Variants in VTI1A observed in about 807,000 individuals in gnomAD.
VTI1A encodes the protein vesicle transport through interaction with t-SNAREs 1A, also known as vesicle transport through interaction with t-SNAREs homolog 1A.
Under a neutral mutation model 34.9 loss-of-function variants are expected in VTI1A, and 22 were observed. That is an observed-to-expected ratio of 0.63 (90% CI 0.45 to 0.90). The LOEUF (loss-of-function observed/expected upper bound fraction) is 0.90, where lower values mean the gene tolerates loss of function less well. Ranked by LOEUF, VTI1A falls within the 40% of genes least tolerant of loss-of-function variation. The probability of loss-of-function intolerance (pLI) is 0.00; values close to 1 mark genes in which losing one functional copy is unlikely to be tolerated. For synonymous variants in VTI1A, 87 were observed against 97.3 expected, an observed-to-expected ratio of 0.89 and a Z score of 0.62; for missense variants, 268 against 275.6, an observed-to-expected ratio of 0.97 and a Z score of 0.20.
Position 112,606,704 on chromosome 10 carries a change from C to T in VTI1A, c.428-61514C>T, listed in dbSNP as rs1312802662. On this transcript the variant is annotated intron_variant, in intron 5 of 7. Transcript: ENST00000393077. ...CTAGTTAATGACACTTGAACAGACA[C>T]TTACATTTGTTTTATTAGTGACTGA... 2.0e-5 allele frequency among the ~76,000 whole-genome samples: 3 copies of T among 152,164 alleles called. No homozygotes were observed. The East Asian group carries it at 5.8e-4, about 29-fold the overall frequency.
chr10:112,505,268 A>C (rs1339746310), intron 3 of VTI1A, among the ~76,000 whole-genome samples: 1 of 152,172 alleles, frequency 6.6e-6, no homozygotes, highest in African/African-American at 2.4e-5. Context: ...TTTACCTTAA[A>C]TGAGGACTTT....
intron 5 of VTI1A, among the ~76,000 whole-genome samples, chr10:112,572,752 C>G (rs575599208): frequency 1.5e-4 from 23 of 151,046 alleles, no homozygotes; most frequent in African/African-American, 5.6e-4. Context: ...GGCAGGAGAA[C>G]GGCGTGAACC....
chr10:112,505,253 A>G (rs565210557), intron 3 of VTI1A, among the ~76,000 whole-genome samples: 3 of 152,086 alleles, frequency 2.0e-5, no homozygotes, highest in Non-Finnish European at 4.4e-5. Flanking sequence ...CTTGTCTTTA[A>G]TGGTTTTACC....
chr10:112,781,191 C>T (rs1239133898), intron 7 of VTI1A, among the ~76,000 whole-genome samples: 3 of 152,038 alleles, frequency 2.0e-5, no homozygotes, highest in Non-Finnish European at 4.4e-5. Context: ...GCAGTCTACC[C>T]GCCTCGGCCT....
At chr10:112,504,533 A>G (rs559270593) in intron 3 of VTI1A, among the ~76,000 whole-genome samples, 1 of 152,072 alleles carries the variant, frequency 6.6e-6, no homozygotes, top group African/African-American at 2.4e-5. Context: ...GTCCCATTGT[A>G]TGGATGTACC....
At chr10:112,458,648 T>A (rs1379778141) in intron 1 of VTI1A, among the ~76,000 whole-genome samples, 1 of 107,828 alleles carries the variant, frequency 9.3e-6, no homozygotes, top group Non-Finnish European at 1.9e-5. Context: ...ATATATATAT[T>A]TTTATTTTTA....
chr10:112,537,311 G>GTATTTATATATATATATATATA (rs1554898568), intron 4 of VTI1A, among the ~76,000 whole-genome samples: 1 of 65,222 alleles, frequency 1.5e-5, no homozygotes, highest in Non-Finnish European at 3.6e-5. Context: ...AAGTATCTAG[G>GTATTTATATATATATATATATA]TATATATATA....
intron 5 of VTI1A, among the ~76,000 whole-genome samples, chr10:112,594,148 T>C (rs1351331644): frequency 6.6e-6 from 1 of 152,140 alleles, no homozygotes; most frequent in Non-Finnish European, 1.5e-5. Context: ...CCTGACCTTG[T>C]GATCCGCCTC....
At chr10:112,854,896 C>A in the VTI1A span, among the ~76,000 whole-genome samples, 26 of 152,290 alleles carry the variant, frequency 1.7e-4, no homozygotes, top group African/African-American at 6.0e-4. Flanking sequence ...GGAGATGGTA[C>A]CAGCTGGGGC....
intron 5 of VTI1A, among the ~76,000 whole-genome samples, chr10:112,594,828 A>G (rs1222666341): frequency 1.3e-5 from 2 of 151,952 alleles, no homozygotes; most frequent in Admixed American, 1.3e-4. Flanking sequence ...TTCATATGGA[A>G]CCAAAAAAGA....
At chr10:112,842,849 G>A in the VTI1A span, among the ~76,000 whole-genome samples, 1 of 152,154 alleles carries the variant, frequency 6.6e-6, no homozygotes, top group Non-Finnish European at 1.5e-5. Flanking sequence ...AGGGGGGTTG[G>A]TCATGAAAAC....
chr10:112,551,865 G>A lies in VTI1A; in HGVS notation c.427+13535G>A, dbSNP rs920300365. On this transcript the variant is annotated intron_variant, in intron 5 of 7. Coordinates refer to ENST00000393077, the MANE Select transcript of VTI1A (RefSeq NM_145206.4). ...TGGCTTATGAGAATTCCTGGGGGGT[G>A]TCCTATGGCATAGCTAACATTCATC... 2.0e-5 allele frequency among the ~76,000 whole-genome samples: 3 copies of A among 152,242 alleles called. No individual in the cohort carries two copies. The East Asian group carries it at 5.8e-4, about 29-fold the overall frequency.
At chr10:112,612,466 T>C (rs1181248660) in intron 5 of VTI1A, among the ~76,000 whole-genome samples, 1 of 152,214 alleles carries the variant, frequency 6.6e-6, no homozygotes, top group East Asian at 1.9e-4. Flanking sequence ...TCACCCCGGC[T>C]GGAGTGCAAT....
rs1439672596 is a variant in VTI1A at position 112,669,009 on chromosome 10, G to A, written c.560+11G>A. ...AGGGATGTTGCGAAGGTAAGAGCAA[G>A]GTAGGGACATATCTTTCTCTCTGTG... On this transcript the variant is annotated intron_variant, in intron 7 of 7. Transcript: ENST00000393077. The A allele has an allele frequency of 9.9e-6, 16 of 1,611,686 alleles. No homozygotes were observed. Among genetic ancestry groups the A allele is most frequent in the Non-Finnish European group, 1.4e-5 (16 of 1,178,352 alleles).
intron 5 of VTI1A, among the ~76,000 whole-genome samples, chr10:112,568,159 A>AG (rs1209897054): frequency 6.6e-6 from 1 of 151,524 alleles, no homozygotes; most frequent in Non-Finnish European, 1.5e-5. Context: ...TGGACAGAGA[A>AG]AAAAAAATAA....
rs377271639 is a variant in VTI1A, at chr10:112,571,553, C to G, written c.427+33223C>G. Among the ~76,000 whole-genome samples, 51 of 152,260 alleles carry G rather than the reference C, an allele frequency of 3.3e-4. 1 individual carries two copies. The highest frequency in any genetic ancestry group is 3.4e-3 in the Middle Eastern group (1 of 294). ...ACCGTTGGTGGGAATGTAAATTAGT[C>G]TAGCCACTGTGGGGAGCAGTTTGGA... is the stretch of plus-strand genomic sequence containing the variant. On this transcript the variant is annotated intron_variant, in intron 5 of 7. Coordinates refer to ENST00000393077, the MANE Select transcript of VTI1A (RefSeq NM_145206.4).
chr10:112,695,261 T>C (rs1194398254), intron 7 of VTI1A, among the ~76,000 whole-genome samples: 1 of 152,188 alleles, frequency 6.6e-6, no homozygotes, highest in Non-Finnish European at 1.5e-5. Flanking sequence ...AAAAGTTCAA[T>C]ATTTCTAATT....
At chr10:112,585,114 A>G (rs1361572780) in intron 5 of VTI1A, among the ~76,000 whole-genome samples, 1 of 152,202 alleles carries the variant, frequency 6.6e-6, no homozygotes, top group Admixed American at 6.5e-5. Context: ...TGCTACTGGG[A>G]ACCATCCCAG....
chr10:112,736,629 A>G (rs1850484264), intron 7 of VTI1A: 4 of 1,521,834 alleles, frequency 2.6e-6, no homozygotes, highest in Non-Finnish European at 3.5e-6. Flanking sequence ...GCTGTTCTAA[A>G]TGCCAAAATT....
Sources: gnomAD v4.1 joint callset for allele counts (sites outside exome capture counted in the v4.1 genomes callset) on GRCh38, gnomAD v4.1.1 for gene constraint, MANE v1.5 for transcripts, NCBI Gene and HGNC (gene_info 2026-07-23, HGNC 2026-07-21) for gene names.